Variants in AIM2 observed in about 807,000 individuals in gnomAD.
AIM2 encodes the protein interferon-inducible protein AIM2.
AIM2 carries 30 observed loss-of-function variants against 27.7 expected under a neutral mutation model. The observed-to-expected ratio is 1.08, with a 90% confidence interval of 0.81 to 1.47. The LOEUF is 1.47. AIM2 is among the 40% of genes most tolerant of loss of function. The probability of loss-of-function intolerance (pLI) is 0.00; values close to 1 mark genes in which losing one functional copy is unlikely to be tolerated. For missense variants in AIM2, 358 were observed against 411.3 expected (o/e 0.87, Z 1.12); for synonymous variants, 141 against 145.3 (o/e 0.97, Z 0.21).
At chr1:159,113,682 C>G (rs1395133895) in intron 1 of AIM2, among the ~76,000 whole-genome samples, 1 of 152,148 alleles carries the variant, frequency 6.6e-6, no homozygotes, top group Non-Finnish European at 1.5e-5. Flanking sequence ...GTTCTTTGGG[C>G]TTTTTCTAGA....
chr1:159,102,289 G>C (rs1350151399), intron 1 of AIM2, among the ~76,000 whole-genome samples: 1 of 152,232 alleles, frequency 6.6e-6, no homozygotes, highest in Non-Finnish European at 1.5e-5. Flanking sequence ...GGGAACCTCT[G>C]CCTAGATTTC....
chr1:159,106,444 T>C (rs764045455), intron 1 of AIM2, among the ~76,000 whole-genome samples: 1 of 152,268 alleles, frequency 6.6e-6, no homozygotes, highest in South Asian at 2.1e-4. Context: ...CCTATTATTA[T>C]GCTTATAGCT....
upstream of AIM2, among the ~76,000 whole-genome samples, chr1:159,140,804 G>A (rs1166169166): frequency 6.6e-6 from 1 of 152,184 alleles, no homozygotes; most frequent in African/African-American, 2.4e-5. Context: ...ATGAACGCGG[G>A]AGGAGAGAGG....
intron 1 of AIM2, among the ~76,000 whole-genome samples, chr1:159,117,494 C>G (rs1269377565): frequency 6.6e-6 from 1 of 151,968 alleles, no homozygotes; most frequent in Non-Finnish European, 1.5e-5. Flanking sequence ...ACCAGGCTAT[C>G]CAGTAATATA....
At chr1:159,136,912 T>C (rs778929336) in intron 1 of AIM2, among the ~76,000 whole-genome samples, 9 of 152,236 alleles carry the variant, frequency 5.9e-5, no homozygotes, top group Non-Finnish European at 8.8e-5. Flanking sequence ...CCTCCACCTC[T>C]GGTGGTACAG....
rs1449043492 is a variant in AIM2, at chr1:159,066,088, T to TA, written c.637dup (p.Tyr213LeufsTer11). 6.2e-7 allele frequency: 1 copy of TA among 1,614,232 alleles called. No homozygotes were observed. Among genetic ancestry groups the TA allele is most frequent in the South Asian group, 1.1e-5 (1 of 91,086 alleles). ...TACCTCTAAGAAACCACTGTGCCGATAATATCTTGCTATTATAATTATTCT... is the reference window on the plus strand; with the variant it reads ...TACCTCTAAGAAACCACTGTGCCGATAAATATCTTGCTATTATAATTATTCT... On this transcript the variant is annotated frameshift_variant, in exon 4 of 6. Coordinates refer to ENST00000368130, the MANE Select transcript of AIM2 (RefSeq NM_004833.3). LOFTEE classifies it high-confidence loss of function.
intron 1 of AIM2, among the ~76,000 whole-genome samples, chr1:159,099,006 ATT>A (rs5778107): frequency 0.022 from 3,189 of 147,558 alleles, 46 homozygotes; most frequent in African/African-American, 0.044. Flanking sequence ...TGGTTGTGTG[ATT>A]TTTTTTTTTT....
At chr1:159,143,351 A>T (rs899328523), upstream of AIM2, among the ~76,000 whole-genome samples, 6 of 152,096 alleles carry the variant, frequency 3.9e-5, no homozygotes, top group Non-Finnish European at 8.8e-5. Context: ...GAAAAATGAG[A>T]CTGATTGTGT....
At position 159,099,684 on chromosome 1, in the gene AIM2, C is replaced by A. The variant is rs551195784; in HGVS notation, c.-15-33355G>T. 3.3e-5 allele frequency among the ~76,000 whole-genome samples: 5 copies of A among 152,192 alleles called. No homozygotes were observed. In the East Asian group the frequency reaches 7.8e-4, roughly 24 times the overall value. ...AATTCCCCAGCTGGAATTGATTCTC[C>A]TTGATAGAGAATGCCCTACAGCTCT... is the stretch of plus-strand genomic sequence containing the variant. On this transcript the variant is annotated intron_variant, in intron 1 of 2. Transcript: ENST00000368129.
intron 1 of AIM2, among the ~76,000 whole-genome samples, chr1:159,094,368 G>A (rs1448489539): frequency 6.6e-6 from 1 of 152,122 alleles, no homozygotes; most frequent in African/African-American, 2.4e-5. Context: ...TTAAACATGT[G>A]CTTAAAAGTA....
At chr1:159,089,357 G>A (rs1656996035) in intron 1 of AIM2, among the ~76,000 whole-genome samples, 1 of 152,210 alleles carries the variant, frequency 6.6e-6, no homozygotes, top group South Asian at 2.1e-4. Flanking sequence ...TGTAGCCAAA[G>A]CACATCCTCC....
At chr1:159,146,850 C>A (rs1210174500) in intron 1 of AIM2, among the ~76,000 whole-genome samples, 11 of 152,096 alleles carry the variant, frequency 7.2e-5, no homozygotes, top group Non-Finnish European at 1.3e-4. Flanking sequence ...CATCCTCAGG[C>A]CTTCTTTTTC....
Position 159,134,553 on chromosome 1 carries a change from C to T in AIM2, c.-16+5878G>A, listed in dbSNP as rs552503448. On this transcript the variant is annotated intron_variant, in intron 1 of 2. Coordinates refer to the AIM2 transcript ENST00000368129. ...CTCGCTTTACAGTCCTTCATCCGGC[C>T]GAGTGCGGTGGCTCACACCTGTAAT... Among the ~76,000 whole-genome samples the T allele has an allele frequency of 3.9e-4, 60 of 152,296 alleles. 1 individual carries two copies. The highest frequency in any genetic ancestry group is 2.3e-3 in the Admixed American group (35 of 15,302).
intron 5 of AIM2, among the ~76,000 whole-genome samples, 194 bp from the exon 6 acceptor site, chr1:159,062,912 C>T (rs80297331): frequency 0.017 from 2,600 of 152,282 alleles, 38 homozygotes; most frequent in South Asian, 0.067. Context: ...AATACACTCC[C>T]ACTTAGCAAG....
At chr1:159,078,245 C>T (rs187776892), upstream of AIM2, among the ~76,000 whole-genome samples, 1 of 152,322 alleles carries the variant, frequency 6.6e-6, no homozygotes, top group East Asian at 1.9e-4. Flanking sequence ...TTCTCTGCCT[C>T]ATGCTCCTAA....
intron 1 of AIM2, among the ~76,000 whole-genome samples, chr1:159,136,802 T>C (rs1269202470): frequency 2.0e-5 from 3 of 152,242 alleles, no homozygotes; most frequent in African/African-American, 7.2e-5. Context: ...ACTATTGTAA[T>C]GACAATAAAT....
intron 1 of AIM2, among the ~76,000 whole-genome samples, chr1:159,099,600 G>C (rs1179239134): frequency 6.6e-6 from 1 of 152,078 alleles, no homozygotes; most frequent in African/African-American, 2.4e-5. Context: ...TTGAAAGTAG[G>C]AACATAACTA....
chr1:159,125,969 T>C lies in AIM2; in HGVS notation c.-16+14462A>G, dbSNP rs146105026. ...AAGAATTCATGGCTACAAAAAACAC[T>C]TCCATTCTAGGGCCAGGAATTCTGA... On this transcript the variant is annotated intron_variant, in intron 1 of 2. Transcript: ENST00000368129. Among the ~76,000 whole-genome samples, 183 of 152,294 alleles carry C rather than the reference T, an allele frequency of 1.2e-3. 1 individual carries two copies. The highest frequency in any genetic ancestry group is 7.2e-3 in the South Asian group (35 of 4,830).
intron 1 of AIM2, among the ~76,000 whole-genome samples, chr1:159,098,620 C>T (rs1345464463): frequency 6.6e-6 from 1 of 152,030 alleles, no homozygotes; most frequent in Non-Finnish European, 1.5e-5. Context: ...TGTGAAAATG[C>T]TATGACAGAA....
Sources: gnomAD v4.1 joint callset for allele counts (sites outside exome capture counted in the v4.1 genomes callset) on GRCh38, gnomAD v4.1.1 for gene constraint, MANE v1.5 for transcripts, NCBI Gene and HGNC (gene_info 2026-07-23, HGNC 2026-07-21) for gene names.